PRSS56: variants seen among roughly 807,000 people sequenced by gnomAD.
PRSS56 encodes serine protease 56.
Under a neutral mutation model 66.8 loss-of-function variants are expected in PRSS56, and 55 were observed. That is an observed-to-expected ratio of 0.82 (90% CI 0.66 to 1.03). The LOEUF (loss-of-function observed/expected upper bound fraction) is 1.03. PRSS56 is among the 50% of genes least tolerant of loss of function. The pLI, the probability that PRSS56 is intolerant of heterozygous loss-of-function variation, is 0.00. For synonymous variants in PRSS56, 409 were observed against 387.9 expected (o/e 1.05, Z -0.64); for missense variants, 869 against 837.2 (o/e 1.04, Z -0.47).
chr2:232,523,654 C>A, intron 8 of PRSS56, 76 bp downstream of exon 8: 1 of 1,509,458 alleles, frequency 6.6e-7, no homozygotes, highest in Non-Finnish European at 8.8e-7. Flanking sequence ...TTCCACCCGG[C>A]CCATGCCCAT....
intron 4 of PRSS56, 144 bp downstream of exon 4, chr2:232,522,304 G>T: frequency 1.1e-6 from 1 of 905,248 alleles, no homozygotes; most frequent in Non-Finnish European, 1.5e-6. Context: ...CCCATCTCAA[G>T]GCGCCGCGCC....
intron 12 of PRSS56, 35 bp downstream of exon 12, chr2:232,524,879 G>T (rs1275002687): frequency 1.4e-6 from 2 of 1,458,712 alleles, no homozygotes; most frequent in Non-Finnish European, 1.9e-6. Flanking sequence ...CTTCACGATG[G>T]CCTGGGAAGG....
rs781427947 is a variant in PRSS56, at chr2:232,522,071, G to A, written c.357G>A (p.Leu119=). 316 of 1,515,956 alleles carry A rather than the reference G, an allele frequency of 2.1e-4. No homozygotes were observed. The highest frequency in any genetic ancestry group is 2.6e-4 in the Non-Finnish European group (294 of 1,138,518). 93.9% of individuals were successfully genotyped at this position (1,515,956 alleles called of 1,614,324 possible). A position where few individuals can be genotyped will look rare whatever the true frequency, so the allele number is the denominator to read the frequency against. The change falls in exon 4 of 13, where the codon CTG becomes CTA. Residue 119 remains leucine (L), a synonymous_variant. Transcript: ENST00000617714. Reference sequence around the variant, plus strand: ...CGCCGCCCGGGGCCTGGCCCTGGCTGGTGAGGCTGCAGCTCGGCGGGCAGC... The same window carrying A: ...CGCCGCCCGGGGCCTGGCCCTGGCTAGTGAGGCTGCAGCTCGGCGGGCAGC... ...SAAPPGAWPW[L]VRLQLGGQPL...
Position 232,524,135 on chromosome 2 carries a change from T to C in PRSS56, c.1283T>C (p.Leu428Pro). ...RPGLRRLAPA[L>P]ALPAPALRES... ...GGACTGCGGCGCCTGGCCCCCGCCCTGGCTCTCCCCGCTCCAGCGCTCAGG... is the reference window on the plus strand; with the variant it reads ...GGACTGCGGCGCCTGGCCCCCGCCCCGGCTCTCCCCGCTCCAGCGCTCAGG... The change falls in exon 10 of 13, where the codon CTG becomes CCG. Residue 428 changes from leucine (L) to proline (P), a missense_variant. Leu to Pro is a moderately conservative substitution (Grantham distance 98). Around this residue, in one of 3 missense-constraint regions of PRSS56, gnomAD observed 551 missense variants for 506.9 expected, o/e 1.09. Transcript: ENST00000617714. 1 of 1,511,478 alleles carries C rather than the reference T, an allele frequency of 6.6e-7. No individual in the cohort carries two copies. The highest frequency in any genetic ancestry group is 1.4e-5 in the African/African-American group (1 of 70,566). 93.6% of individuals were successfully genotyped at this position (1,511,478 alleles called of 1,614,324 possible).
At position 232,525,518 on chromosome 2, in the gene PRSS56, G is replaced by A. The variant is rs1192764425; in HGVS notation, c.*12G>A. On this transcript the variant is annotated 3_prime_UTR_variant, in exon 13 of 13. Coordinates refer to ENST00000617714, the MANE Select transcript of PRSS56 (RefSeq NM_001195129.2). Reference sequence around the variant, plus strand: ...CCAGGCAACCCTGAGCCATGTCTGGGCCCCCAGCCCCTGGGGAGGACCTAC... The same window carrying A: ...CCAGGCAACCCTGAGCCATGTCTGGACCCCCAGCCCCTGGGGAGGACCTAC... 2.2e-6 allele frequency: 3 copies of A among 1,348,828 alleles called. No homozygotes were observed. The highest frequency in any genetic ancestry group is 2.9e-6 in the Non-Finnish European group (3 of 1,038,938). 83.6% of individuals were successfully genotyped at this position (1,348,828 alleles called of 1,614,324 possible).
At position 232,523,831 on chromosome 2, in the gene PRSS56, C is replaced by T. The variant is rs933498729; in HGVS notation, c.1072C>T (p.Leu358=). The change falls in exon 9 of 13, where the codon CTG becomes TTG. Residue 358 remains leucine (L), a synonymous_variant. Coordinates refer to ENST00000617714, the MANE Select transcript of PRSS56 (RefSeq NM_001195129.2). The stretch of plus-strand genomic sequence containing the variant: ...TCTGGCCTGGGACCCCCCCCAGGAG[C>T]TGCAGGCAGACGCCGCCCGGCTCTG... ...ELLAWDPPQE[L]QADAARLCAF... is the part of the protein sequence containing the mutation. 1 of 1,533,570 alleles carries T rather than the reference C, an allele frequency of 6.5e-7. No individual in the cohort carries two copies. The highest frequency in any genetic ancestry group is 1.2e-5 in the South Asian group (1 of 83,948). 95.0% of individuals were successfully genotyped at this position (1,533,570 alleles called of 1,614,324 possible). A position where few individuals can be genotyped will look rare whatever the true frequency, so the allele number is the denominator to read the frequency against.
At chr2:232,520,765 G>A (rs921834298) in intron 1 of PRSS56, 70 bp downstream of exon 1, 34 of 1,036,740 alleles carry the variant, frequency 3.3e-5, no homozygotes, top group Non-Finnish European at 4.0e-5. Context: ...CTGGGCGGGC[G>A]GGGACAGAAG....
chr2:232,523,623 A>G, intron 8 of PRSS56, 45 bp downstream of exon 8: 1 of 1,503,486 alleles, frequency 6.7e-7, no homozygotes, highest in Non-Finnish European at 8.8e-7. Context: ...GCCCCAACGG[A>G]CAACCGTGGG....
intron 6 of PRSS56, 56 bp downstream of exon 6, chr2:232,522,917 T>C (rs972458188): frequency 8.9e-5 from 130 of 1,456,006 alleles, no homozygotes; most frequent in Admixed American, 1.7e-4. Flanking sequence ...TCCGAGGTAA[T>C]AGAGTGTAGG....
At chr2:232,523,720 G>C (rs1278489108) in intron 8 of PRSS56, 52 bp from the exon 9 acceptor site, 2 of 1,531,998 alleles carry the variant, frequency 1.3e-6, no homozygotes, top group African/African-American at 2.7e-5. Context: ...AGGAGTGAGG[G>C]GGCTAGGGCC....
At chr2:232,523,601 C>A in intron 8 of PRSS56, 23 bp downstream of exon 8, 1 of 1,509,426 alleles carries the variant, frequency 6.6e-7, no homozygotes, top group South Asian at 1.3e-5. Context: ...TTTCCAATGC[C>A]CCGTCCCCAG....
chr2:232,521,817 A>T lies in PRSS56; in HGVS notation c.207A>T (p.Gly69=), dbSNP rs1259511492. 33 of 1,535,898 alleles carry T rather than the reference A, an allele frequency of 2.1e-5. No homozygotes were observed. The highest frequency in any genetic ancestry group is 2.8e-5 in the Non-Finnish European group (32 of 1,146,850). ...ACTCAAAGGTCTGTTTCTCTGCAGG[A>T]TCTGGGCGCCCCAGGCCTCAAGCTC... is the stretch of plus-strand genomic sequence containing the variant. ...EIQHRSHECR[G]SGRPRPQALL... is the part of the protein sequence containing the mutation. The change falls in exon 3 of 13, where the codon GGA becomes GGT. Residue 69 remains glycine (G), a splice_region_variant and synonymous_variant. Coordinates refer to ENST00000617714, the MANE Select transcript of PRSS56 (RefSeq NM_001195129.2).
chr2:232,520,528 G>A lies in PRSS56; in HGVS notation c.-71G>A. 3 of 1,294,494 alleles carry A rather than the reference G, an allele frequency of 2.3e-6. No homozygotes were observed. Among genetic ancestry groups the A allele is most frequent in the Non-Finnish European group, 3.2e-6 (3 of 926,580 alleles). 80.2% of individuals were successfully genotyped at this position (1,294,494 alleles called of 1,614,324 possible). The stretch of plus-strand genomic sequence containing the variant: ...AGGCAGCAGAAGGCGGGCACCAAAG[G>A]ATAGGCACCCGGAAGGTGGACTCCG... On this transcript the variant is annotated 5_prime_UTR_variant, in exon 1 of 13. Transcript: ENST00000617714.
intron 4 of PRSS56, 144 bp from the exon 5 acceptor site, chr2:232,522,371 T>A: frequency 1.2e-6 from 1 of 853,882 alleles, no homozygotes; most frequent in Non-Finnish European, 1.7e-6. Flanking sequence ...GTTCGCCCCC[T>A]CTGGGACGGG....
In PRSS56 at chr2:232,521,959, G is replaced by A. The variant is rs1691286877; in HGVS notation, c.257-12G>A. 1.3e-6 allele frequency: 2 copies of A among 1,498,186 alleles called. No homozygotes were observed. Among genetic ancestry groups the A allele is most frequent in the East Asian group, 2.5e-5 (1 of 40,342 alleles). The allele number at this position is 1,498,186 out of a possible 1,614,324, so 92.8% of individuals were successfully genotyped here. A position where few individuals can be genotyped will look rare whatever the true frequency, so the allele number is the denominator to read the frequency against. The stretch of plus-strand genomic sequence containing the variant: ...GAACATGTCCCTCGTGACACCCCTT[G>A]CCCCTTTCTAGGGCCGTGCGGCGAG... On this transcript the variant is annotated splice_polypyrimidine_tract_variant and intron_variant, in intron 3 of 12. Transcript: ENST00000617714.
Position 232,524,194 on chromosome 2 carries a change from C to A in PRSS56, c.1342C>A (p.Leu448Ile), listed in dbSNP as rs1224220238. The A allele has an allele frequency of 1.3e-6, 2 of 1,531,308 alleles. No homozygotes were observed. Among genetic ancestry groups the A allele is most frequent in the Non-Finnish European group, 1.7e-6 (2 of 1,144,416 alleles). The allele number at this position is 1,531,308 out of a possible 1,614,324, so 94.9% of individuals were successfully genotyped here. A position where few individuals can be genotyped will look rare whatever the true frequency, so the allele number is the denominator to read the frequency against. ...TCTGCACCCCGCCCGGGAGCTGCGG[C>A]TTCACTCAGGTACCCCGCGCCCTCC... ...SPLHPARELR[L>I]HSGSRAAGTR... The change falls in exon 10 of 13, where the codon CTT becomes ATT. Residue 448 changes from leucine (L) to isoleucine (I), a missense_variant. Transcript: ENST00000617714.
chr2:232,522,809 G>A lies in PRSS56; in HGVS notation c.654G>A (p.Glu218=), dbSNP rs1426109547. ...TGTGCCTGCCCCAGGAGCCCCAGGAGCCCCCTGCCGGAACCGCCTGCGCCA... is the reference window on the plus strand; with the variant it reads ...TGTGCCTGCCCCAGGAGCCCCAGGAACCCCCTGCCGGAACCGCCTGCGCCA... ...RPVCLPQEPQ[E]PPAGTACAIA... Residue 218 remains glutamate (E), a synonymous_variant, in exon 6 of 13, where the codon GAG becomes GAA. Coordinates refer to ENST00000617714, the MANE Select transcript of PRSS56 (RefSeq NM_001195129.2). 1.3e-6 allele frequency: 2 copies of A among 1,497,932 alleles called. No individual in the cohort carries two copies. 92.8% of individuals were successfully genotyped at this position (1,497,932 alleles called of 1,614,324 possible).
chr2:232,524,883 G>A (rs1691385068), intron 12 of PRSS56, 39 bp downstream of exon 12: 2 of 1,461,756 alleles, frequency 1.4e-6, no homozygotes, highest in Admixed American at 2.0e-5. Flanking sequence ...ACGATGGCCT[G>A]GGAAGGCTGA....
At chr2:232,522,888 T>C in intron 6 of PRSS56, 27 bp downstream of exon 6, 1 of 1,439,312 alleles carries the variant, frequency 6.9e-7, no homozygotes, top group South Asian at 1.4e-5. Flanking sequence ...AGCCGGCGCG[T>C]GGTGGGAAGA....
Sources: allele counts gnomAD v4.1 joint callset, GRCh38; gene constraint gnomAD v4.1.1; regional missense constraint gnomAD v4.1.1; transcripts MANE v1.5; gene names NCBI Gene and HGNC (gene_info 2026-07-23, HGNC 2026-07-21).